Variants in SMARCA2 observed in about 807,000 individuals in gnomAD.
The protein encoded by SMARCA2 is SWI/SNF related BAF chromatin remodeling complex subunit ATPase 2.
In SMARCA2, 61 loss-of-function variants were observed where a neutral mutation model predicts 199.8. The observed-to-expected ratio is 0.31, with a 90% CI of 0.25 to 0.38. The LOEUF (loss-of-function observed/expected upper bound fraction) is 0.38, where lower values mean the gene tolerates loss of function less well. Ranked by LOEUF, SMARCA2 falls within the 10% of genes least tolerant of loss-of-function variation. SMARCA2 has a pLI of 1.00. For synonymous variants in SMARCA2, 935 were observed against 732.0 expected (o/e 1.28, Z -4.48); for missense variants, 1,344 against 2,012.2 (o/e 0.67, Z 6.35).
At chr9:2,140,781 C>T (rs374495499) in intron 27 of SMARCA2, among the ~76,000 whole-genome samples, 1 of 152,164 alleles carries the variant, frequency 6.6e-6, no homozygotes, top group Admixed American at 6.5e-5. Flanking sequence ...AGGCTCAGCT[C>T]TTTTGTAGTA....
chr9:2,146,564 C>A (rs1349464372), intron 27 of SMARCA2, among the ~76,000 whole-genome samples: 1 of 152,010 alleles, frequency 6.6e-6, no homozygotes, highest in Non-Finnish European at 1.5e-5. Flanking sequence ...GAATCTTGCA[C>A]AAGAAAGAAT....
intron 27 of SMARCA2, chr9:2,158,254 T>G: frequency 5.9e-6 from 1 of 170,784 alleles, no homozygotes; most frequent in Admixed American, 6.4e-5. Context: ...GAAATATGCT[T>G]AACTGTTTTA....
intron 4 of SMARCA2, chr9:2,041,559 T>C (rs1819602883): frequency 2.5e-6 from 1 of 395,964 alleles, no homozygotes; most frequent in Admixed American, 4.4e-5. Context: ...ACCATCTCCC[T>C]GGGAATTAGG....
intron 29 of SMARCA2, among the ~76,000 whole-genome samples, chr9:2,178,197 G>T (rs1826759217): frequency 6.6e-6 from 1 of 152,150 alleles, no homozygotes. Context: ...TCCATGAAGA[G>T]GAGAGGTTCT....
chr9:2,127,762 T>G (rs12339569), intron 27 of SMARCA2, among the ~76,000 whole-genome samples: 8,152 of 152,258 alleles, frequency 0.054, 335 homozygotes, highest in African/African-American at 0.1. Flanking sequence ...CACACTTAGG[T>G]TAAATTTAAG....
At chr9:2,022,863 T>A (rs1278071615) in intron 1 of SMARCA2, among the ~76,000 whole-genome samples, 1 of 152,210 alleles carries the variant, frequency 6.6e-6, no homozygotes, top group Non-Finnish European at 1.5e-5. Context: ...TTCAGTTTGT[T>A]AGCTTTTGTT....
In SMARCA2 at chr9:2,110,574, T is replaced by G. The variant is rs780770349; in HGVS notation, c.3456+157T>G. ...TCTTCTGGCTGTTTTCTTATCTCCC[T>G]TAGAGCATAGATACGAGGTCCCACA... On this transcript the variant is annotated intron_variant, in intron 24 of 33. Transcript: ENST00000349721. The surrounding 1 kb of genome is among the most constrained non-coding windows in gnomAD (Gnocchi z 4.8). Among the ~76,000 whole-genome samples, 1 of 152,236 alleles carries G rather than the reference T, an allele frequency of 6.6e-6. No individual in the cohort carries two copies. Among genetic ancestry groups the G allele is most frequent in the Non-Finnish European group, 1.5e-5 (1 of 68,046 alleles).
intron 27 of SMARCA2, among the ~76,000 whole-genome samples, chr9:2,154,873 T>A (rs1426561748): frequency 6.6e-6 from 1 of 152,218 alleles, no homozygotes; most frequent in Non-Finnish European, 1.5e-5. Flanking sequence ...GCCCAGGCCC[T>A]TCTGAGGAGC....
chr9:2,130,898 C>T (rs1443050524), intron 27 of SMARCA2, among the ~76,000 whole-genome samples: 6 of 152,218 alleles, frequency 3.9e-5, no homozygotes, highest in Non-Finnish European at 8.8e-5. Flanking sequence ...TGTACACTGG[C>T]TGTGCTGTTT....
intron 27 of SMARCA2, among the ~76,000 whole-genome samples, chr9:2,141,728 TC>T (rs1824467773): frequency 6.6e-6 from 1 of 152,004 alleles, no homozygotes. Context: ...ATCCAAGCCA[TC>T]TATGCAAGTC....
chr9:2,096,557 C>A, intron 19 of SMARCA2, 100 bp from the exon 20 acceptor site: 1 of 741,582 alleles, frequency 1.3e-6, no homozygotes, highest in Non-Finnish European at 2.4e-6. Context: ...GAAAGAGAGA[C>A]ACCTTTGTGC....
At chr9:2,087,523 T>TC (rs1821852514) in intron 18 of SMARCA2, among the ~76,000 whole-genome samples, 2 of 152,238 alleles carry the variant, frequency 1.3e-5, no homozygotes, top group South Asian at 4.1e-4. Flanking sequence ...GAACTAGTTT[T>TC]CACACATTTT....
In SMARCA2 at chr9:2,169,396, CTGAACCTTCGG is replaced by C. The variant is rs1288296078; in HGVS notation, c.4200-1022_4200-1012del. 6.6e-6 allele frequency among the ~76,000 whole-genome samples: 1 copy of C among 152,108 alleles called. No individual in the cohort carries two copies. The highest frequency in any genetic ancestry group is 1.5e-5 in the Non-Finnish European group (1 of 68,032). On this transcript the variant is annotated intron_variant, in intron 28 of 33. Transcript: ENST00000349721. This position sits in a 1 kb window ranked among gnomAD's most constrained non-coding sequence, Gnocchi z 6.5. ...TAGGAGAATTGTTATCTTCCACAGT[CTGAACCTTCGG>C]ATCTTCCCAACTTTTTTTTTCCAAC...
intron 24 of SMARCA2, among the ~76,000 whole-genome samples, chr9:2,111,421 G>A (rs1312038058): frequency 6.6e-6 from 1 of 151,058 alleles, no homozygotes; most frequent in African/African-American, 2.4e-5. Context: ...GAGTCTGGGA[G>A]GCAGAGGCTA....
At position 2,110,162 on chromosome 9, in the gene SMARCA2, A is replaced by T; in HGVS notation, c.3293-92A>T. The T allele has an allele frequency of 1.0e-6, 1 of 961,654 alleles. No individual in the cohort carries two copies. Among genetic ancestry groups the T allele is most frequent in the Non-Finnish European group, 1.5e-6 (1 of 645,500 alleles). The allele number at this position is 961,654 out of a possible 1,614,324, so 59.6% of individuals were successfully genotyped here. A position where few individuals can be genotyped will look rare whatever the true frequency, so the allele number is the denominator to read the frequency against. Reference sequence around the variant, plus strand: ...CACCAGTGTTAGGAGGAGTCTGGGTATATTTCTTGAAGGAAGCAAGCCTTT... The same window carrying T: ...CACCAGTGTTAGGAGGAGTCTGGGTTTATTTCTTGAAGGAAGCAAGCCTTT... On this transcript the variant is annotated intron_variant, in intron 23 of 33. Coordinates refer to ENST00000349721, the MANE Select transcript of SMARCA2 (RefSeq NM_003070.5). This position sits in a 1 kb window ranked among gnomAD's most constrained non-coding sequence, Gnocchi z 4.8.
chr9:2,171,138 G>T (rs900666520), intron 29 of SMARCA2, among the ~76,000 whole-genome samples: 1 of 152,144 alleles, frequency 6.6e-6, no homozygotes, highest in African/African-American at 2.4e-5. Context: ...AATATTAGAT[G>T]ACATTGGTTG....
intron 1 of SMARCA2, among the ~76,000 whole-genome samples, chr9:2,028,523 C>G (rs16936764): frequency 0.046 from 6,932 of 152,228 alleles, 535 homozygotes; most frequent in African/African-American, 0.16. Flanking sequence ...GTTTAACTAT[C>G]TTGAAGTTTT....
chr9:2,124,229 A>AC (rs1823589738), intron 27 of SMARCA2, among the ~76,000 whole-genome samples: 1 of 152,180 alleles, frequency 6.6e-6, no homozygotes, highest in African/African-American at 2.4e-5. Context: ...GAGCTGTGAG[A>AC]CCCACTAATG....
intron 27 of SMARCA2, among the ~76,000 whole-genome samples, chr9:2,143,683 A>T (rs1205209556): frequency 2.0e-5 from 3 of 152,146 alleles, no homozygotes; most frequent in Non-Finnish European, 4.4e-5. Context: ...TTTCCAGGAG[A>T]GATAACTGGG....
Sources: gnomAD v4.1 joint callset for allele counts (sites outside exome capture counted in the v4.1 genomes callset) on GRCh38, gnomAD v4.1.1 for gene constraint, Gnocchi (gnomAD v3.1) non-coding constraint, MANE v1.5 for transcripts, NCBI Gene and HGNC (gene_info 2026-07-23, HGNC 2026-07-21) for gene names.